NCALD: variants seen among roughly 807,000 people sequenced by gnomAD.
NCALD encodes neurocalcin delta, also known as neurocalcin-delta.
Under a neutral mutation model 18.6 loss-of-function variants are expected in NCALD, and 10 were observed. The observed-to-expected ratio is 0.54, with a 90% CI of 0.33 to 0.91. NCALD has a LOEUF of 0.91. NCALD is among the 40% of genes least tolerant of loss of function. The pLI, the probability that NCALD is intolerant of heterozygous loss-of-function variation, is 0.03. For synonymous variants in NCALD, 88 were observed against 87.4 expected (o/e 1.01, Z -0.04); for missense variants, 184 against 247.6 (o/e 0.74, Z 1.72).
chr8:101,971,311 A>G (rs79498823), intron 2 of NCALD, among the ~76,000 whole-genome samples: 2,946 of 152,118 alleles, frequency 0.019, 32 homozygotes, highest in South Asian at 0.03. Context: ...TAAAGGTTAC[A>G]TGGTTGATAT....
intron 3 of NCALD, among the ~76,000 whole-genome samples, chr8:101,899,114 T>G (rs1023683798): frequency 2.0e-5 from 3 of 151,288 alleles, no homozygotes; most frequent in Non-Finnish European, 4.4e-5. Context: ...AAATGTTTCA[T>G]TAGATATACA....
At chr8:101,738,924 C>T (rs1444664573) in intron 1 of NCALD, among the ~76,000 whole-genome samples, 1 of 152,154 alleles carries the variant, frequency 6.6e-6, no homozygotes, top group Non-Finnish European at 1.5e-5. Flanking sequence ...ACTCTATGTC[C>T]TTCTATTTCA....
chr8:101,798,883 C>A (rs1295138478), intron 4 of NCALD, among the ~76,000 whole-genome samples: 2 of 152,190 alleles, frequency 1.3e-5, no homozygotes, highest in African/African-American at 4.8e-5. Flanking sequence ...TTTGACAAAT[C>A]TGCAAAGGCA....
intron 1 of NCALD, among the ~76,000 whole-genome samples, chr8:102,063,627 C>A (rs982855515): frequency 6.6e-6 from 1 of 152,140 alleles, no homozygotes; most frequent in Non-Finnish European, 1.5e-5. Context: ...TCCACTACAG[C>A]CCCAAGGAAT....
At chr8:102,025,718 T>C (rs889766488) in intron 1 of NCALD, among the ~76,000 whole-genome samples, 2 of 152,216 alleles carry the variant, frequency 1.3e-5, no homozygotes, top group African/African-American at 4.8e-5. Flanking sequence ...ATGTTATATC[T>C]TTGAGGCATG....
intron 4 of NCALD, among the ~76,000 whole-genome samples, chr8:101,799,446 A>G (rs1812756896): frequency 6.6e-6 from 1 of 152,236 alleles, no homozygotes; most frequent in African/African-American, 2.4e-5. Context: ...AGAAACGAAG[A>G]CACGCTAACA....
intron 1 of NCALD, among the ~76,000 whole-genome samples, chr8:101,741,258 G>GA (rs761358614): frequency 2.6e-4 from 40 of 152,316 alleles, no homozygotes; most frequent in Non-Finnish European, 5.1e-4. Context: ...AAATTGCAAA[G>GA]AAAATTACAT....
intron 1 of NCALD, among the ~76,000 whole-genome samples, chr8:102,069,450 A>AT (rs572677870): frequency 9.0e-4 from 137 of 152,320 alleles, no homozygotes; most frequent in Non-Finnish European, 1.5e-3. Context: ...ATTAATTTAG[A>AT]TTTTCTGCAG....
intron 2 of NCALD, among the ~76,000 whole-genome samples, chr8:101,954,517 G>T (rs1233079785): frequency 6.6e-6 from 1 of 152,116 alleles, no homozygotes; most frequent in Admixed American, 6.5e-5. Flanking sequence ...CTCTTACCAT[G>T]AGGGAAACAA....
chr8:101,938,809 T>C (rs978201606), intron 2 of NCALD, among the ~76,000 whole-genome samples: 1 of 152,234 alleles, frequency 6.6e-6, no homozygotes, highest in Non-Finnish European at 1.5e-5. Context: ...CATGACCCCA[T>C]GTATCCCTGA....
At chr8:101,699,528 T>C (rs1248301918) in intron 2 of NCALD, among the ~76,000 whole-genome samples, 1 of 152,170 alleles carries the variant, frequency 6.6e-6, no homozygotes, top group Non-Finnish European at 1.5e-5. Context: ...CCATCAATGA[T>C]AGGCTGGATA....
At chr8:101,729,088 A>G in intron 1 of NCALD, among the ~76,000 whole-genome samples, 1 of 152,226 alleles carries the variant, frequency 6.6e-6, no homozygotes, top group East Asian at 1.9e-4. Flanking sequence ...AAATCCCACA[A>G]ATTCATTTCT....
intron 2 of NCALD, among the ~76,000 whole-genome samples, chr8:101,987,805 C>G (rs1820871947): frequency 6.6e-6 from 1 of 152,086 alleles, no homozygotes; most frequent in Admixed American, 6.5e-5. Context: ...CAAGATCTGA[C>G]ACACAGACTG....
chr8:101,931,541 C>T (rs1185471949), intron 2 of NCALD, among the ~76,000 whole-genome samples: 1 of 152,090 alleles, frequency 6.6e-6, no homozygotes, highest in Non-Finnish European at 1.5e-5. Context: ...TAGTTGCAGA[C>T]ATCATTTAGA....
chr8:102,053,789 A>C (rs1409446602), intron 1 of NCALD, among the ~76,000 whole-genome samples: 1 of 152,186 alleles, frequency 6.6e-6, no homozygotes, highest in Non-Finnish European at 1.5e-5. Flanking sequence ...AAGGACTCTG[A>C]GTCTTAAAAT....
chr8:101,937,024 T>C (rs1017476611), intron 2 of NCALD, among the ~76,000 whole-genome samples: 47 of 152,210 alleles, frequency 3.1e-4, no homozygotes, highest in African/African-American at 1.1e-3. Flanking sequence ...ATTTGCTACA[T>C]CTTCCAACTT....
chr8:101,929,395 C>G (rs1360848896), intron 2 of NCALD, among the ~76,000 whole-genome samples: 7 of 8,084 alleles, frequency 8.7e-4, no homozygotes, highest in East Asian at 3.0e-3. Context: ...GGGAGGGAGG[C>G]ATGGAGGGAG....
At chr8:101,858,494 A>T (rs1415872104) in intron 4 of NCALD, among the ~76,000 whole-genome samples, 2 of 152,146 alleles carry the variant, frequency 1.3e-5, no homozygotes. Context: ...TCCCAGCCTG[A>T]TACTGGAGGT....
At chr8:101,966,826 T>C (rs2131876477) in intron 2 of NCALD, among the ~76,000 whole-genome samples, 1 of 152,206 alleles carries the variant, frequency 6.6e-6, no homozygotes, top group African/African-American at 2.4e-5. Context: ...TTATTTTTAA[T>C]GATGAAGATG....
Sources: gnomAD v4.1 joint callset for allele counts (sites outside exome capture counted in the v4.1 genomes callset) on GRCh38, gnomAD v4.1.1 for gene constraint, MANE v1.5 for transcripts, NCBI Gene and HGNC (gene_info 2026-07-23, HGNC 2026-07-21) for gene names.